Variants in IGSF21 observed in about 807,000 individuals in gnomAD.
IGSF21 encodes the protein immunoglobin superfamily member 21.
In IGSF21, 28 loss-of-function variants were observed where a neutral mutation model predicts 46.8. That is an observed-to-expected ratio of 0.60 (90% CI 0.44 to 0.82). IGSF21 has a LOEUF of 0.82. Among genes scored for constraint, IGSF21 ranks in the 40% least tolerant of loss-of-function variants. The pLI, the probability that IGSF21 is intolerant of heterozygous loss-of-function variation, is 0.00. For synonymous variants in IGSF21, 284 were observed against 273.6 expected (o/e 1.04, Z -0.38); for missense variants, 624 against 665.5 (o/e 0.94, Z 0.69).
intron 3 of IGSF21, among the ~76,000 whole-genome samples, chr1:18,319,353 C>T (rs1451137799): frequency 6.6e-6 from 1 of 152,246 alleles, no homozygotes; most frequent in Non-Finnish European, 1.5e-5. Context: ...ATCCCTCTGC[C>T]AGAACTTAGT....
At chr1:18,310,599 G>A (rs908641000) in intron 3 of IGSF21, among the ~76,000 whole-genome samples, 11 of 152,234 alleles carry the variant, frequency 7.2e-5, no homozygotes, top group Non-Finnish European at 5.9e-5. Flanking sequence ...CCTTGGAGAG[G>A]ACGTGTGGGG....
Position 18,337,838 on chromosome 1 carries a change from T to C in IGSF21, c.424+2828T>C, listed in dbSNP as rs1418367142. Among the ~76,000 whole-genome samples, 1 of 152,170 alleles carries C rather than the reference T, an allele frequency of 6.6e-6. No individual in the cohort carries two copies. Among genetic ancestry groups the C allele is most frequent in the Non-Finnish European group, 1.5e-5 (1 of 68,042 alleles). ...TGCAGATCGGCGCGTGGGGGATTAC[T>C]ATTATCTCTAACTCACAGATGAAGA... On this transcript the variant is annotated intron_variant, in intron 4 of 9. Coordinates refer to ENST00000251296, the MANE Select transcript of IGSF21 (RefSeq NM_032880.5). The surrounding 1 kb of genome is among the most constrained non-coding windows in gnomAD (Gnocchi z 5.7).
At chr1:18,205,367 G>A (rs1057021879) in intron 1 of IGSF21, among the ~76,000 whole-genome samples, 3 of 152,174 alleles carry the variant, frequency 2.0e-5, no homozygotes, top group Admixed American at 1.3e-4. Flanking sequence ...GAGTGGGTCT[G>A]TGCCTCTTCT....
At chr1:18,239,886 T>C (rs919504081) in intron 2 of IGSF21, among the ~76,000 whole-genome samples, 3 of 152,176 alleles carry the variant, frequency 2.0e-5, no homozygotes, top group African/African-American at 7.2e-5. Flanking sequence ...CGTGACCATA[T>C]GACTCAACAC....
intron 6 of IGSF21, among the ~76,000 whole-genome samples, chr1:18,375,252 C>A (rs1456648849): frequency 6.6e-6 from 1 of 152,220 alleles, no homozygotes; most frequent in Admixed American, 6.5e-5. Context: ...TTGTTCACCA[C>A]CATATCCTCA....
chr1:18,187,003 G>T (rs2086909284), intron 1 of IGSF21, among the ~76,000 whole-genome samples: 1 of 152,100 alleles, frequency 6.6e-6, no homozygotes, highest in Non-Finnish European at 1.5e-5. Flanking sequence ...AACCTCTCCT[G>T]GGGGAGTGGT....
intron 4 of IGSF21, among the ~76,000 whole-genome samples, chr1:18,355,494 A>T (rs2086006300): frequency 6.6e-6 from 1 of 152,188 alleles, no homozygotes; most frequent in Admixed American, 6.5e-5. Flanking sequence ...AACAGGAGTG[A>T]TGGAGGTTGG....
intron 6 of IGSF21, among the ~76,000 whole-genome samples, chr1:18,368,206 T>C (rs2086186799): frequency 6.6e-6 from 1 of 151,810 alleles, no homozygotes; most frequent in African/African-American, 2.4e-5. Context: ...CATCATTCCA[T>C]AAAGATATCA....
chr1:18,108,985 A>AGTGTGTGTGTGTGTGTGTGT (rs10686337), intron 1 of IGSF21, among the ~76,000 whole-genome samples: 3,998 of 127,722 alleles, frequency 0.031, 99 homozygotes, highest in African/African-American at 0.044. Context: ...TGAGCAGCTC[A>AGTGTGTGTGTGTGTGTGTGT]GTGTGTGTGT....
chr1:18,309,528 C>T (rs747960504), intron 3 of IGSF21, among the ~76,000 whole-genome samples: 1 of 152,178 alleles, frequency 6.6e-6, no homozygotes, highest in Non-Finnish European at 1.5e-5. Flanking sequence ...CCCCTCCTTT[C>T]CCCATTGGCG....
At chr1:18,134,416 CT>C (rs1287368237) in intron 1 of IGSF21, among the ~76,000 whole-genome samples, 3 of 152,144 alleles carry the variant, frequency 2.0e-5, no homozygotes, top group African/African-American at 4.8e-5. Context: ...ATAACCAGCC[CT>C]TTCCTCCTCT....
chr1:18,217,162 T>G (rs2084457801), intron 1 of IGSF21, among the ~76,000 whole-genome samples: 2 of 152,128 alleles, frequency 1.3e-5, no homozygotes, highest in Non-Finnish European at 2.9e-5. Context: ...TGTGGTGTGA[T>G]CCACAATGGT....
chr1:18,199,475 C>T (rs2087045450), intron 1 of IGSF21, among the ~76,000 whole-genome samples: 2 of 152,314 alleles, frequency 1.3e-5, no homozygotes, highest in South Asian at 4.1e-4. Flanking sequence ...CCCTCGGATC[C>T]TGGGCACCGG....
At chr1:18,186,307 A>G (rs533682628) in intron 1 of IGSF21, among the ~76,000 whole-genome samples, 59 of 152,200 alleles carry the variant, frequency 3.9e-4, no homozygotes, top group African/African-American at 1.4e-3. Flanking sequence ...TGGGAAATGG[A>G]TTGTTGAATC....
chr1:18,291,022 C>T, intron 2 of IGSF21, among the ~76,000 whole-genome samples: 1 of 152,184 alleles, frequency 6.6e-6, no homozygotes, highest in Non-Finnish European at 1.5e-5. Context: ...GCCGAGTAAA[C>T]AGATAAATAA....
intron 1 of IGSF21, chr1:18,114,933 C>T (rs1276135478): frequency 5.2e-5 from 8 of 152,418 alleles, no homozygotes; most frequent in Admixed American, 5.2e-4. Flanking sequence ...CAAGTGTGCA[C>T]TGTGAGCTGT....
intron 2 of IGSF21, among the ~76,000 whole-genome samples, chr1:18,232,556 A>G (rs2084638557): frequency 6.6e-6 from 1 of 152,222 alleles, no homozygotes; most frequent in African/African-American, 2.4e-5. Context: ...GGCCATTCGA[A>G]GAGACTGTGT....
At chr1:18,256,922 A>G (rs536169121) in intron 2 of IGSF21, among the ~76,000 whole-genome samples, 107 of 152,242 alleles carry the variant, frequency 7.0e-4, no homozygotes, top group African/African-American at 2.4e-3. Flanking sequence ...TCTCTAGCCA[A>G]CTTCTTTACT....
chr1:18,364,493 C>T (rs1035691397), intron 5 of IGSF21, among the ~76,000 whole-genome samples: 11 of 151,304 alleles, frequency 7.3e-5, no homozygotes, highest in African/African-American at 1.2e-4. Context: ...TTCCCTCTCC[C>T]GCCCCCCTAT....
Sources: allele counts gnomAD v4.1 joint callset (sites outside exome capture counted in the v4.1 genomes callset), GRCh38; gene constraint gnomAD v4.1.1; non-coding constraint Gnocchi (gnomAD v3.1); transcripts MANE v1.5; gene names NCBI Gene and HGNC (gene_info 2026-07-23, HGNC 2026-07-21).